Variants in TLL2 observed in about 807,000 individuals in gnomAD.
TLL2 encodes tolloid like 2.
A neutral mutation model predicts 123.0 loss-of-function variants in TLL2; 106 were observed. The ratio of observed to expected loss-of-function variants is 0.86; its 90% confidence interval spans 0.74 to 1.01. The LOEUF is 1.01. Ranked by LOEUF, TLL2 falls within the 50% of genes least tolerant of loss-of-function variation. The pLI, the probability that TLL2 is intolerant of heterozygous loss-of-function variation, is 0.00. For missense variants in TLL2, 1,332 were observed against 1,336.7 expected (o/e 1.00, Z 0.06); for synonymous variants, 494 against 516.8 (o/e 0.96, Z 0.60).
At chr10:96,403,551 C>T (rs1846416413) in intron 10 of TLL2, among the ~76,000 whole-genome samples, 1 of 152,152 alleles carries the variant, frequency 6.6e-6, no homozygotes, top group Non-Finnish European at 1.5e-5. Context: ...AAAGTCATCG[C>T]CATTCTCTAG....
intron 8 of TLL2, among the ~76,000 whole-genome samples, chr10:96,411,246 A>G (rs1846502164): frequency 1.6e-5 from 2 of 124,378 alleles, no homozygotes; most frequent in Admixed American, 9.0e-5. Flanking sequence ...TGACAGAGTG[A>G]GACTCTGTCT....
At chr10:96,473,154 G>A (rs546432336) in intron 2 of TLL2, among the ~76,000 whole-genome samples, 9 of 152,214 alleles carry the variant, frequency 5.9e-5, no homozygotes, top group African/African-American at 2.2e-4. Context: ...AAGGGTCTGT[G>A]GGTAAAGAAA....
intron 2 of TLL2, among the ~76,000 whole-genome samples, chr10:96,477,054 T>A (rs1312499170): frequency 1.2e-4 from 15 of 130,150 alleles, no homozygotes; most frequent in Non-Finnish European, 2.3e-4. Flanking sequence ...TTTTTTTTTT[T>A]ACAACAAGCA....
In TLL2 at chr10:96,376,764, C is replaced by G. The variant is rs1189319606; in HGVS notation, c.2376G>C (p.Trp792Cys). The G allele has an allele frequency of 6.3e-7, 1 of 1,597,492 alleles. No individual in the cohort carries two copies. Among genetic ancestry groups the G allele is most frequent in the Non-Finnish European group, 8.5e-7 (1 of 1,173,232 alleles). Residue 792 changes from tryptophan to cysteine, a missense_variant, in exon 18 of 21, where the codon TGG becomes TGC. Coordinates refer to ENST00000357947, the MANE Select transcript of TLL2 (RefSeq NM_012465.4). ...SVEGTLASPNWPDKYPSRREC... is the reference protein window; with the variant it reads ...SVEGTLASPNCPDKYPSRREC... The stretch of plus-strand genomic sequence containing the variant: ...CCCTCCGGCTGGGGTATTTGTCAGG[C>G]CAGTTGGGGCTCGCCAGGGTCCCCT...
At chr10:96,461,144 A>G (rs1429537146) in intron 2 of TLL2, among the ~76,000 whole-genome samples, 1 of 152,240 alleles carries the variant, frequency 6.6e-6, no homozygotes, top group Non-Finnish European at 1.5e-5. Context: ...AAAAAATTTA[A>G]TGGTATGGCT....
In TLL2 at chr10:96,384,732, G is replaced by A; in HGVS notation, c.2049C>T (p.Gly683=). Reference sequence around the variant, plus strand: ...CGTGCAGCTTGGCGTCGGGGGACAGGCCGCTGCGCACCTCTACAAAGTCGT... The same window carrying A: ...CGTGCAGCTTGGCGTCGGGGGACAGACCGCTGCGCACCTCTACAAAGTCGT... ...CKYDFVEVRS[G]LSPDAKLHGR... The change falls in exon 16 of 21, where the codon GGC becomes GGT. Residue 683 remains glycine (G), a synonymous_variant. Coordinates refer to ENST00000357947, the MANE Select transcript of TLL2 (RefSeq NM_012465.4). 1 of 1,608,808 alleles carries A rather than the reference G, an allele frequency of 6.2e-7. No individual in the cohort carries two copies. The highest frequency in any genetic ancestry group is 8.5e-7 in the Non-Finnish European group (1 of 1,176,650).
intron 7 of TLL2, among the ~76,000 whole-genome samples, chr10:96,419,745 C>T (rs1846600848): frequency 6.6e-6 from 1 of 152,198 alleles, no homozygotes; most frequent in Non-Finnish European, 1.5e-5. Flanking sequence ...ACAAACTCAT[C>T]AACAGGATGC....
At chr10:96,453,165 A>G (rs1846977891) in intron 2 of TLL2, among the ~76,000 whole-genome samples, 1 of 152,228 alleles carries the variant, frequency 6.6e-6, no homozygotes, top group African/African-American at 2.4e-5. Flanking sequence ...CTTTTAAAAC[A>G]GGCAATAAGG....
Position 96,424,554 on chromosome 10 carries a change from C to A in TLL2, c.639-1827G>T, listed in dbSNP as rs575558601. ...ATTGGATAGGTAAAAAATGGGATTT[C>A]ACTGCATTGAGGCTGGATAGTTTTT... On this transcript the variant is annotated intron_variant, in intron 5 of 20. Transcript: ENST00000357947. Among the ~76,000 whole-genome samples, 7 of 152,240 alleles carry A rather than the reference C, an allele frequency of 4.6e-5. No individual in the cohort carries two copies. The South Asian group carries it at 1.2e-3, about 27-fold the overall frequency.
Position 96,370,208 on chromosome 10 carries a change from C to A in TLL2, c.2770G>T (p.Val924Leu). The A allele has an allele frequency of 1.2e-6, 2 of 1,614,050 alleles. No individual in the cohort carries two copies. Among genetic ancestry groups the A allele is most frequent in the African/African-American group, 1.3e-5 (1 of 75,054 alleles). The change falls in exon 20 of 21, where the codon GTG (valine) becomes TTG (leucine). Residue 924 changes from valine to leucine, a missense_variant. Transcript: ENST00000357947. ...TCCACGCCGTAGCCGTCCTCTGCCA[C>A]GATCACCCAGTCACAGCGGGCCTCG... Reference protein sequence around the residue: ...PSEARCDWVIVAEDGYGVELT... With the variant: ...PSEARCDWVILAEDGYGVELT...
intron 7 of TLL2, among the ~76,000 whole-genome samples, chr10:96,415,729 G>GTCTCTCGCTGTCTCTCTCTCTCTC (rs1846549963): frequency 1.2e-4 from 1 of 8,580 alleles, no homozygotes; most frequent in African/African-American, 5.1e-4. Context: ...CTCTCTCTCT[G>GTCTCTCGCTGTCTCTCTCTCTCTC]TCTCTCTCTG....
In TLL2 at chr10:96,504,527, T is replaced by C. The variant is rs201410615; in HGVS notation, c.175+8984A>G. Among the ~76,000 whole-genome samples the C allele has an allele frequency of 6.1e-4, 92 of 152,062 alleles. 1 individual carries two copies. In the East Asian group the frequency reaches 0.014, roughly 23 times the overall value. On this transcript the variant is annotated intron_variant, in intron 1 of 20. Transcript: ENST00000357947. ...CAGGAGGCTGAGGCACAGGAATCAC[T>C]TGAACCCAGGAGGCAGAGGTTGCAG...
chr10:96,373,181 C>T lies in TLL2; in HGVS notation c.2662+415G>A, dbSNP rs113131761. 2.5e-3 allele frequency: 405 copies of T among 159,120 alleles called. 1 individual carries two copies. The highest frequency in any genetic ancestry group is 9.2e-3 in the African/African-American group (382 of 41,656). The allele number at this position is 159,120 out of a possible 1,614,324, so 9.9% of individuals were successfully genotyped here. ...TTTTAGAGACAAAGTCTCACTCTATCGTCCAGGCTAGAGTGCAATGGCACG... is the reference window on the plus strand; with the variant it reads ...TTTTAGAGACAAAGTCTCACTCTATTGTCCAGGCTAGAGTGCAATGGCACG... On this transcript the variant is annotated intron_variant, in intron 19 of 20. Transcript: ENST00000357947.
intron 5 of TLL2, among the ~76,000 whole-genome samples, chr10:96,423,054 G>C (rs754203089): frequency 6.6e-6 from 1 of 151,268 alleles, no homozygotes; most frequent in South Asian, 2.1e-4. Flanking sequence ...CTTGAACCCC[G>C]GAGGCAGAGG....
At chr10:96,509,917 A>C (rs1366815503) in intron 1 of TLL2, among the ~76,000 whole-genome samples, 3 of 152,258 alleles carry the variant, frequency 2.0e-5, no homozygotes, top group Non-Finnish European at 2.9e-5. Context: ...ACTGCACTCC[A>C]GCCTGGGCGA....
chr10:96,459,262 T>C (rs959001297), intron 2 of TLL2, among the ~76,000 whole-genome samples: 6 of 152,052 alleles, frequency 3.9e-5, no homozygotes, highest in African/African-American at 1.4e-4. Context: ...GAAGAATAAA[T>C]GAGTGAAACT....
At chr10:96,457,174 C>G (rs1847024969) in intron 2 of TLL2, among the ~76,000 whole-genome samples, 1 of 152,132 alleles carries the variant, frequency 6.6e-6, no homozygotes, top group South Asian at 2.1e-4. Context: ...TTTTTGGGTC[C>G]CCTTGGAAGG....
chr10:96,493,948 G>C (rs1251235891), intron 1 of TLL2, among the ~76,000 whole-genome samples: 1 of 152,182 alleles, frequency 6.6e-6, no homozygotes, highest in African/African-American at 2.4e-5. Flanking sequence ...CGTAAGAAGG[G>C]GACAGGGCTT....
At chr10:96,377,534 G>C (rs2134053385) in intron 17 of TLL2, among the ~76,000 whole-genome samples, 1 of 152,286 alleles carries the variant, frequency 6.6e-6, no homozygotes, top group South Asian at 2.1e-4. Flanking sequence ...TCCCAAATAA[G>C]AAAATAGGTT....
Sources: allele counts gnomAD v4.1 joint callset (sites outside exome capture counted in the v4.1 genomes callset), GRCh38; gene constraint gnomAD v4.1.1; transcripts MANE v1.5; gene names NCBI Gene and HGNC (gene_info 2026-07-23, HGNC 2026-07-21).